The following DHRS7B variants were observed in gnomAD, a reference collection of about 807,000 sequenced individuals.
DHRS7B encodes the protein peroxisomal reductase activating PPAR-gamma.
DHRS7B carries 24 observed loss-of-function variants against 26.4 expected under a neutral mutation model. That is an observed-to-expected ratio of 0.91 (90% confidence interval 0.66 to 1.28). The LOEUF (loss-of-function observed/expected upper bound fraction) is 1.28. Among genes scored for constraint, DHRS7B ranks in the 50% most tolerant of loss-of-function variants. DHRS7B has a pLI of 0.00. For synonymous variants in DHRS7B, 142 were observed against 166.4 expected (o/e 0.85, Z 1.13); for missense variants, 368 against 419.4 (o/e 0.88, Z 1.07).
At chr17:21,176,324 G>A (rs1390365326) in intron 2 of DHRS7B, among the ~76,000 whole-genome samples, 1 of 152,040 alleles carries the variant, frequency 6.6e-6, no homozygotes, top group Non-Finnish European at 1.5e-5. Context: ...AATATGGCCA[G>A]GCACAGTGGC....
intron 3 of DHRS7B, among the ~76,000 whole-genome samples, chr17:21,180,468 G>T (rs1191808867): frequency 6.6e-6 from 1 of 152,116 alleles, no homozygotes. Flanking sequence ...TCATTATTTT[G>T]CACGTGATTA....
intron 1 of DHRS7B, among the ~76,000 whole-genome samples, chr17:21,159,990 GT>G (rs1973966104): frequency 6.6e-6 from 1 of 151,978 alleles, no homozygotes; most frequent in Non-Finnish European, 1.5e-5. Context: ...GGAGGCTGAC[GT>G]GGTGGATCAT....
intron 1 of DHRS7B, among the ~76,000 whole-genome samples, chr17:21,167,322 C>T (rs560371678): frequency 2.0e-5 from 3 of 152,264 alleles, no homozygotes; most frequent in South Asian, 4.2e-4. Context: ...GGAACCCTCA[C>T]CCTTAGCGGG....
At chr17:21,174,657 C>T (rs1027000460) in intron 2 of DHRS7B, among the ~76,000 whole-genome samples, 3 of 152,176 alleles carry the variant, frequency 2.0e-5, no homozygotes, top group African/African-American at 7.2e-5. Flanking sequence ...CAGTCATCTC[C>T]CCAAAGCTGT....
intron 1 of DHRS7B, among the ~76,000 whole-genome samples, chr17:21,129,719 A>AG (rs1973187884): frequency 6.7e-6 from 1 of 149,766 alleles, no homozygotes; most frequent in African/African-American, 2.5e-5. Flanking sequence ...AAAAAAAAAA[A>AG]AAAAAGAAAA....
chr17:21,189,182 A>T (rs1974721501), intron 6 of DHRS7B, among the ~76,000 whole-genome samples: 1 of 152,162 alleles, frequency 6.6e-6, no homozygotes. Context: ...GCAGATCCCG[A>T]GTCCAAGGAG....
intron 1 of DHRS7B, among the ~76,000 whole-genome samples, chr17:21,133,960 C>T (rs756040507): frequency 3.1e-4 from 47 of 152,008 alleles, no homozygotes; most frequent in Admixed American, 9.8e-4. Flanking sequence ...AGTTGTCTGG[C>T]TTCAGTTTGC....
At chr17:21,150,751 A>G (rs976192919) in intron 1 of DHRS7B, among the ~76,000 whole-genome samples, 1 of 152,258 alleles carries the variant, frequency 6.6e-6, no homozygotes, top group Non-Finnish European at 1.5e-5. Context: ...TTATTATTTT[A>G]TAGTTCTAAA....
At chr17:21,162,918 G>A (rs879621953) in intron 1 of DHRS7B, among the ~76,000 whole-genome samples, 3 of 151,948 alleles carry the variant, frequency 2.0e-5, no homozygotes, top group African/African-American at 7.3e-5. Flanking sequence ...GGTTTAGGCC[G>A]GGCACAGTGG....
chr17:21,158,827 G>T (rs898475020), intron 1 of DHRS7B, among the ~76,000 whole-genome samples: 1 of 152,052 alleles, frequency 6.6e-6, no homozygotes, highest in African/African-American at 2.4e-5. Context: ...CAGTGATATT[G>T]GTGAAACAAC....
At chr17:21,169,714 T>C (rs1033467256) in intron 1 of DHRS7B, among the ~76,000 whole-genome samples, 1 of 152,112 alleles carries the variant, frequency 6.6e-6, no homozygotes, top group African/African-American at 2.4e-5. Flanking sequence ...CAGCCCCAGG[T>C]TGTCAATTTG....
At chr17:21,178,657 G>GTT (rs373480205) in intron 3 of DHRS7B, among the ~76,000 whole-genome samples, 11 of 134,744 alleles carry the variant, frequency 8.2e-5, no homozygotes, top group African/African-American at 1.1e-4. Flanking sequence ...TTTAAAAGGT[G>GTT]TTTTTTTTTT....
At chr17:21,180,095 G>C (rs1238792771) in intron 3 of DHRS7B, among the ~76,000 whole-genome samples, 10 of 134,810 alleles carry the variant, frequency 7.4e-5, no homozygotes, top group Non-Finnish European at 1.4e-4. Context: ...TTTTTTTTGA[G>C]AGGGAGTCTC....
chr17:21,182,669 A>G (rs1974540277), intron 3 of DHRS7B, among the ~76,000 whole-genome samples: 1 of 152,162 alleles, frequency 6.6e-6, no homozygotes, highest in Admixed American at 6.6e-5. Flanking sequence ...GATTACAGCC[A>G]TGAGCCACTG....
chr17:21,138,754 T>A (rs955508762), intron 1 of DHRS7B, among the ~76,000 whole-genome samples: 1 of 152,142 alleles, frequency 6.6e-6, no homozygotes, highest in Non-Finnish European at 1.5e-5. Flanking sequence ...CACCCTTTTT[T>A]AAAAAGGACA....
intron 1 of DHRS7B, among the ~76,000 whole-genome samples, chr17:21,168,516 G>A (rs1974163575): frequency 6.6e-6 from 1 of 152,148 alleles, no homozygotes; most frequent in Admixed American, 6.5e-5. Context: ...CTACAGACGT[G>A]CACTACCATA....
intron 1 of DHRS7B, among the ~76,000 whole-genome samples, chr17:21,147,338 G>C (rs962636620): frequency 6.6e-6 from 1 of 152,066 alleles, no homozygotes; most frequent in African/African-American, 2.4e-5. Flanking sequence ...ACTGAACATG[G>C]GCTGACAAAA....
rs376440535 is a variant in DHRS7B, at chr17:21,179,915, C to T, written c.309+1573C>T. On this transcript the variant is annotated intron_variant, in intron 3 of 6. Coordinates refer to ENST00000395511, the MANE Select transcript of DHRS7B (RefSeq NM_015510.5). ...CCAAGTAGCTGGGATGACTGGCATG[C>T]GCCACCACGCCCGGCTAATTTTGTA... Among the ~76,000 whole-genome samples the T allele has an allele frequency of 2.4e-4, 36 of 151,604 alleles. 1 individual carries two copies. Among genetic ancestry groups the T allele is most frequent in the East Asian group, 7.8e-4 (4 of 5,120 alleles).
In DHRS7B at chr17:21,126,978, T is replaced by C. The variant is rs1973111986; in HGVS notation, c.7T>C (p.Ser3Pro). ...AGGATGAAGTTGATTGACTATGGTC[T>C]CTCCGGCTACCAGGTAGGGGCTGGG... MV[S>P]PATRKSLPKV... Residue 3 changes from serine (S) to proline (P), a missense_variant, in exon 1 of 7, where the codon TCT (serine) becomes CCT (proline). By Grantham distance (74) the Ser-to-Pro change is moderately conservative (BLOSUM62 -1). Transcript: ENST00000395511. 6.5e-7 allele frequency: 1 copy of C among 1,535,308 alleles called. No homozygotes were observed. The highest frequency in any genetic ancestry group is 1.4e-5 in the African/African-American group (1 of 71,336).
Sources: gnomAD v4.1 joint callset for allele counts (sites outside exome capture counted in the v4.1 genomes callset) on GRCh38, gnomAD v4.1.1 for gene constraint, MANE v1.5 for transcripts, NCBI Gene and HGNC (gene_info 2026-07-23, HGNC 2026-07-21) for gene names.